CSPP1: variants seen among roughly 807,000 people sequenced by gnomAD.
CSPP1 encodes the protein centrosome and spindle pole associated protein 1, also known as centrosome and spindle pole-associated protein 1.
In CSPP1, 126 loss-of-function variants were observed where a neutral mutation model predicts 164.4. That is an observed-to-expected ratio of 0.77 (90% CI 0.66 to 0.89). The LOEUF is 0.89. Ranked by LOEUF, CSPP1 falls within the 40% of genes least tolerant of loss-of-function variation. The pLI is 0.00. For missense variants in CSPP1, 1,395 were observed against 1,449.8 expected, an observed-to-expected ratio of 0.96 and a Z score of 0.61; for synonymous variants, 472 against 476.7, an observed-to-expected ratio of 0.99 and a Z score of 0.13.
rs1420951665 is a variant in CSPP1 at position 67,159,924 on chromosome 8, C to CTTT, written c.2538+787_2538+788insTTT. Among the ~76,000 whole-genome samples the CTTT allele has an allele frequency of 2.7e-3, 125 of 45,564 alleles. 1 individual carries two copies. The highest frequency in any genetic ancestry group is 3.8e-3 in the Admixed American group (15 of 3,968). 29.9% of individuals were successfully genotyped at this position (45,564 alleles called of 152,430 possible). On this transcript the variant is annotated intron_variant, in intron 21 of 30. Transcript: ENST00000678616. ...TCTTTCTTTCTTTCTTTCTTTCTTT[C>CTTT]CTTTCCTTCCTTCCTTCCTTCCTTC...
intron 21 of CSPP1, among the ~76,000 whole-genome samples, chr8:67,161,018 C>T (rs1828239378): frequency 6.6e-6 from 1 of 152,018 alleles, no homozygotes; most frequent in Non-Finnish European, 1.5e-5. Context: ...GGGGTTTCAC[C>T]ATGTTGGCCA....
chr8:67,100,210 AT>A (rs1393788845), intron 7 of CSPP1, among the ~76,000 whole-genome samples: 2 of 152,150 alleles, frequency 1.3e-5, no homozygotes, highest in Non-Finnish European at 2.9e-5. Flanking sequence ...TCACTAGGAA[AT>A]CTTTTGATTT....
At chr8:67,115,625 C>T (rs1817771825) in intron 12 of CSPP1, among the ~76,000 whole-genome samples, 1 of 152,086 alleles carries the variant, frequency 6.6e-6, no homozygotes, top group African/African-American at 2.4e-5. Context: ...GACCTGAGAT[C>T]ATGCCACTGC....
At chr8:67,136,805 A>G (rs1037606065) in intron 16 of CSPP1, among the ~76,000 whole-genome samples, 1 of 151,662 alleles carries the variant, frequency 6.6e-6, no homozygotes, top group Non-Finnish European at 1.5e-5. Context: ...AAAGGAACGT[A>G]GGGAGATCTG....
chr8:67,172,104 C>T (rs1410544153), intron 24 of CSPP1, among the ~76,000 whole-genome samples: 1 of 151,814 alleles, frequency 6.6e-6, no homozygotes. Context: ...CTGTCTTGGC[C>T]TCCCAAAGTG....
At chr8:67,174,917 G>T (rs945319498) in intron 25 of CSPP1, 1 of 178,564 alleles carries the variant, frequency 5.6e-6, no homozygotes, top group Non-Finnish European at 1.2e-5. Flanking sequence ...GAGATCAGCC[G>T]TGATTACAGT....
At chr8:67,114,554 T>G in intron 12 of CSPP1, 184 bp downstream of exon 12, 1 of 152,406 alleles carries the variant, frequency 6.6e-6, no homozygotes, top group East Asian at 1.9e-4. Flanking sequence ...TTGATTTGCT[T>G]TTACTTATGC....
intron 16 of CSPP1, among the ~76,000 whole-genome samples, chr8:67,133,279 A>T (rs772035604): frequency 2.6e-5 from 4 of 152,210 alleles, no homozygotes; most frequent in Non-Finnish European, 4.4e-5. Flanking sequence ...TCTCTACAGA[A>T]CAACCCTGCG....
chr8:67,165,285 C>T (rs76393118), intron 24 of CSPP1, among the ~76,000 whole-genome samples: 2,374 of 152,106 alleles, frequency 0.016, 56 homozygotes, highest in African/African-American at 0.053. Context: ...CTCTGTCTCA[C>T]GAAGAAAAGT....
At chr8:67,111,229 T>C (rs1483195043) in intron 9 of CSPP1, among the ~76,000 whole-genome samples, 1 of 152,228 alleles carries the variant, frequency 6.6e-6, no homozygotes, top group Non-Finnish European at 1.5e-5. Flanking sequence ...CTTCTCTGCA[T>C]TCAAAATTTT....
intron 14 of CSPP1, among the ~76,000 whole-genome samples, 168 bp downstream of exon 14, chr8:67,118,537 T>A (rs191572209): frequency 1.2e-3 from 176 of 152,328 alleles, no homozygotes; most frequent in African/African-American, 3.9e-3. Flanking sequence ...TTATATTTTA[T>A]AGTTATTTCC....
At chr8:67,144,606 A>AT (rs989534638) in intron 17 of CSPP1, among the ~76,000 whole-genome samples, 1 of 151,786 alleles carries the variant, frequency 6.6e-6, no homozygotes, top group African/African-American at 2.4e-5. Context: ...TACCTGGCTA[A>AT]TTTTTTTTAT....
intron 10 of CSPP1, among the ~76,000 whole-genome samples, chr8:67,112,617 C>G (rs1586197319): frequency 6.6e-6 from 1 of 152,260 alleles, no homozygotes; most frequent in East Asian, 1.9e-4. Flanking sequence ...CTCCTTCTTT[C>G]TATTCTCAGA....
intron 9 of CSPP1, among the ~76,000 whole-genome samples, chr8:67,109,093 G>C (rs1466072813): frequency 6.6e-6 from 1 of 152,234 alleles, no homozygotes; most frequent in Non-Finnish European, 1.5e-5. Context: ...TTACTGAACA[G>C]ATCCTTTGTT....
At chr8:67,125,907 A>G (rs1819960422) in intron 15 of CSPP1, among the ~76,000 whole-genome samples, 1 of 152,186 alleles carries the variant, frequency 6.6e-6, no homozygotes, top group Non-Finnish European at 1.5e-5. Flanking sequence ...ATCTCAGCTC[A>G]CTACAACCTC....
At chr8:67,108,321 A>C (rs1433611164) in intron 9 of CSPP1, among the ~76,000 whole-genome samples, 1 of 151,872 alleles carries the variant, frequency 6.6e-6, no homozygotes, top group African/African-American at 2.4e-5. Context: ...AGGATTGCTT[A>C]AGCCTGGGAG....
chr8:67,112,650 T>C (rs1251915043), intron 10 of CSPP1, among the ~76,000 whole-genome samples: 2 of 152,190 alleles, frequency 1.3e-5, no homozygotes, highest in Non-Finnish European at 2.9e-5. Context: ...GGATAAGTCC[T>C]CTCTACGTCT....
intron 17 of CSPP1, among the ~76,000 whole-genome samples, chr8:67,147,304 T>G (rs1016004757): frequency 6.6e-6 from 1 of 152,226 alleles, no homozygotes; most frequent in Non-Finnish European, 1.5e-5. Flanking sequence ...TTGCCAGTCC[T>G]TGGCACTTGG....
chr8:67,076,550 A>G lies in CSPP1; in HGVS notation c.168A>G (p.Pro56=). ...ILISMAKENI[P]PNSQQTRGSL... Reference sequence around the variant, plus strand: ...TCTCTATGGCTAAGGAAAACATACCACCAAATAGTCAACAGACCAGGGGTT... The same window carrying G: ...TCTCTATGGCTAAGGAAAACATACCGCCAAATAGTCAACAGACCAGGGGTT... The change falls in exon 3 of 31, where the codon CCA becomes CCG. Residue 56 remains proline, a synonymous_variant. Coordinates refer to ENST00000678616, the MANE Select transcript of CSPP1 (RefSeq NM_001382391.1). The G allele has an allele frequency of 1.2e-6, 2 of 1,601,448 alleles. No homozygotes were observed. The highest frequency in any genetic ancestry group is 1.7e-6 in the Non-Finnish European group (2 of 1,174,292).
Sources: allele counts gnomAD v4.1 joint callset (sites outside exome capture counted in the v4.1 genomes callset), GRCh38; gene constraint gnomAD v4.1.1; transcripts MANE v1.5; gene names NCBI Gene and HGNC (gene_info 2026-07-23, HGNC 2026-07-21).